The following FTO variants were observed in gnomAD, a reference collection of about 807,000 sequenced individuals.
FTO encodes alpha-ketoglutarate-dependent dioxygenase FTO.
Under a neutral mutation model 63.9 loss-of-function variants are expected in FTO, and 47 were observed. The observed-to-expected ratio is 0.74, with a 90% confidence interval of 0.58 to 0.94. The LOEUF is 0.94. Ranked by LOEUF, FTO falls within the 40% of genes least tolerant of loss-of-function variation. FTO has a pLI of 0.00. For missense variants in FTO, 562 were observed against 618.1 expected (o/e 0.91, Z 0.96); for synonymous variants, 207 against 224.4 (o/e 0.92, Z 0.69).
intron 8 of FTO, among the ~76,000 whole-genome samples, chr16:54,010,257 A>G (rs1427570725): frequency 6.6e-6 from 1 of 152,020 alleles, no homozygotes; most frequent in Non-Finnish European, 1.5e-5. Flanking sequence ...CTGCAAGGTA[A>G]AAAAATTAAC....
chr16:53,773,287 T>C (rs1272294901), intron 1 of FTO, among the ~76,000 whole-genome samples: 1 of 152,108 alleles, frequency 6.6e-6, no homozygotes, highest in East Asian at 1.9e-4. Flanking sequence ...TGGAAGATAT[T>C]GTCAGTTTCT....
chr16:54,008,038 G>T (rs574000657), intron 8 of FTO, among the ~76,000 whole-genome samples: 1 of 152,292 alleles, frequency 6.6e-6, no homozygotes, highest in Admixed American at 6.5e-5. Flanking sequence ...CTGGTGCAAA[G>T]GATGTGCCCA....
At chr16:54,009,509 G>T (rs1021739633) in intron 8 of FTO, among the ~76,000 whole-genome samples, 1 of 152,148 alleles carries the variant, frequency 6.6e-6, no homozygotes, top group Non-Finnish European at 1.5e-5. Context: ...ATCAAGAAAA[G>T]GGAGTGAGAA....
intron 3 of FTO, among the ~76,000 whole-genome samples, chr16:53,837,099 T>TA (rs2079317172): frequency 6.6e-6 from 1 of 152,210 alleles, no homozygotes; most frequent in South Asian, 2.1e-4. Flanking sequence ...GTTTGAGAAG[T>TA]ATCTCTGCTT....
intron 1 of FTO, among the ~76,000 whole-genome samples, chr16:53,802,691 T>C (rs1268892502): frequency 1.3e-5 from 2 of 152,184 alleles, no homozygotes; most frequent in Non-Finnish European, 2.9e-5. Flanking sequence ...TTAATCTGCT[T>C]AAAATCATCC....
At chr16:53,953,776 A>G (rs1197658119) in intron 8 of FTO, among the ~76,000 whole-genome samples, 1 of 152,232 alleles carries the variant, frequency 6.6e-6, no homozygotes, top group African/African-American at 2.4e-5. Flanking sequence ...GGGGCCCAGC[A>G]TCCTGTGAAT....
intron 6 of FTO, among the ~76,000 whole-genome samples, chr16:53,880,515 C>G (rs55982358): frequency 0.15 from 23,258 of 152,100 alleles, 2,033 homozygotes; most frequent in South Asian, 0.28. Context: ...ATTGCATAAA[C>G]CAAGTTGCTT....
rs531727382 is a variant in FTO at position 53,879,203 on chromosome 16, G to A, written c.976-641G>A. ...GTTTTCAGACTCAGTTCTAGATGTT[G>A]TAGTATATATAGAAAATGTATTTAA... On this transcript the variant is annotated intron_variant, in intron 5 of 8. Coordinates refer to ENST00000471389, the MANE Select transcript of FTO (RefSeq NM_001080432.3). Among the ~76,000 whole-genome samples, 13 of 152,258 alleles carry A rather than the reference G, an allele frequency of 8.5e-5. No homozygotes were observed. In the South Asian group the frequency reaches 2.7e-3, roughly 32 times the overall value.
chr16:54,049,465 C>A (rs2085263669), intron 8 of FTO, among the ~76,000 whole-genome samples: 1 of 151,998 alleles, frequency 6.6e-6, no homozygotes, highest in Middle Eastern at 3.2e-3. Flanking sequence ...TGATCTACCA[C>A]CTGGAATTGA....
chr16:54,069,030 C>T (rs1187590905), intron 8 of FTO, among the ~76,000 whole-genome samples: 6 of 152,078 alleles, frequency 3.9e-5, no homozygotes. Flanking sequence ...CCCAAGAAAA[C>T]GAAAGCATTT....
chr16:54,049,844 G>T (rs1392711764), intron 8 of FTO, among the ~76,000 whole-genome samples: 1 of 152,216 alleles, frequency 6.6e-6, no homozygotes, highest in Non-Finnish European at 1.5e-5. Context: ...TTCATGTAGA[G>T]CCTGAATGAG....
At chr16:54,077,249 A>G (rs1420822905) in intron 8 of FTO, among the ~76,000 whole-genome samples, 1 of 152,194 alleles carries the variant, frequency 6.6e-6, no homozygotes, top group Admixed American at 6.5e-5. Context: ...GCTCAGAACC[A>G]AAGACCATAA....
chr16:53,883,641 A>AC (rs1555488997), intron 6 of FTO, among the ~76,000 whole-genome samples: 5 of 149,492 alleles, frequency 3.3e-5, no homozygotes, highest in Admixed American at 2.0e-4. Flanking sequence ...AAAAACAAAA[A>AC]AAAAAAAACA....
At chr16:53,890,211 C>A (rs999508597) in intron 7 of FTO, among the ~76,000 whole-genome samples, 3 of 152,098 alleles carry the variant, frequency 2.0e-5, no homozygotes, top group Non-Finnish European at 4.4e-5. Context: ...AACTAATCTG[C>A]AAAAATGGAT....
In FTO at chr16:53,835,707, C is replaced by G. The variant is rs555398411; in HGVS notation, c.752-8448C>G. 2.6e-5 allele frequency among the ~76,000 whole-genome samples: 4 copies of G among 152,106 alleles called. No homozygotes were observed. In the South Asian group the frequency reaches 8.3e-4, roughly 32 times the overall value. ...ATGCCCTTCAGTTGTTGGACATTTT[C>G]TTGAATTGCTTTGTTAGTTATTTCT... On this transcript the variant is annotated intron_variant, in intron 3 of 8. Transcript: ENST00000471389.
intron 8 of FTO, among the ~76,000 whole-genome samples, chr16:53,941,131 T>C (rs558955497): frequency 3.3e-5 from 5 of 152,342 alleles, no homozygotes; most frequent in African/African-American, 9.6e-5. Context: ...GCCTCCTAGC[T>C]AGTCACGGAT....
intron 5 of FTO, among the ~76,000 whole-genome samples, chr16:53,878,110 C>G (rs1429370218): frequency 6.6e-6 from 1 of 152,032 alleles, no homozygotes; most frequent in Non-Finnish European, 1.5e-5. Flanking sequence ...ACCAGCCTGT[C>G]CAATATGGTA....
At chr16:53,878,097 G>A (rs989735644) in intron 5 of FTO, among the ~76,000 whole-genome samples, 3 of 152,188 alleles carry the variant, frequency 2.0e-5, no homozygotes, top group African/African-American at 2.4e-5. Context: ...TCAGGAGTTC[G>A]AGACCAGCCT....
At chr16:53,905,106 G>C (rs115536593) in intron 7 of FTO, among the ~76,000 whole-genome samples, 2 of 152,178 alleles carry the variant, frequency 1.3e-5, no homozygotes, top group African/African-American at 4.8e-5. Flanking sequence ...ATTCTCAGGA[G>C]TTGGGGGCCT....
Sources: allele counts gnomAD v4.1 joint callset (sites outside exome capture counted in the v4.1 genomes callset), GRCh38; gene constraint gnomAD v4.1.1; transcripts MANE v1.5; gene names NCBI Gene and HGNC (gene_info 2026-07-23, HGNC 2026-07-21).